AFG3L2: variants seen among roughly 807,000 people sequenced by gnomAD.
AFG3L2 encodes mitochondrial inner membrane m-AAA protease component AFG3L2.
AFG3L2 carries 54 observed loss-of-function variants against 94.5 expected under a neutral mutation model. That is an observed-to-expected ratio of 0.57 (90% confidence interval 0.46 to 0.72). The LOEUF is 0.72. Among genes scored for constraint, AFG3L2 ranks in the 30% least tolerant of loss-of-function variants. The probability of loss-of-function intolerance (pLI) is 0.00; values close to 1 mark genes in which losing one functional copy is unlikely to be tolerated. For missense variants in AFG3L2, 754 were observed against 994.9 expected, an observed-to-expected ratio of 0.76 and a Z score of 3.26; for synonymous variants, 377 against 365.5, an observed-to-expected ratio of 1.03 and a Z score of -0.36.
rs1908731260 is a variant in AFG3L2, at chr18:12,363,846, A to G, written c.563T>C (p.Leu188Ser). Reference sequence around the variant, plus strand: ...AACAAAACGCTTGTTGACGACTTCCAATCTGTCTACCTAGAATTTTAAAAA... The same window carrying G: ...AACAAAACGCTTGTTGACGACTTCCGATCTGTCTACCTAGAATTTTAAAAA... ...NYLSKGVVDR[L>S]EVVNKRFVRV... The change falls in exon 6 of 17, where the codon TTG (leucine) becomes TCG (serine). Residue 188 changes from leucine to serine, a missense_variant. Physicochemically the swap from Leu to Ser is moderately radical, Grantham distance 145. Coordinates refer to ENST00000269143, the MANE Select transcript of AFG3L2 (RefSeq NM_006796.3). 2 of 1,612,474 alleles carry G rather than the reference A, an allele frequency of 1.2e-6. No individual in the cohort carries two copies. Among genetic ancestry groups the G allele is most frequent in the Non-Finnish European group, 1.7e-6 (2 of 1,179,076 alleles).
intron 16 of AFG3L2, among the ~76,000 whole-genome samples, chr18:12,336,895 C>T (rs894099119): frequency 7.2e-5 from 11 of 152,214 alleles, no homozygotes; most frequent in African/African-American, 1.4e-4. Context: ...GAGCAAGCCA[C>T]AAGCAAGGTA....
chr18:12,367,531 T>C, intron 3 of AFG3L2, 149 bp from the exon 4 acceptor site: 1 of 772,390 alleles, frequency 1.3e-6, no homozygotes, highest in Admixed American at 2.0e-5. Context: ...TGAGAAAGAA[T>C]ACAAATACAA....
Position 12,338,511 on chromosome 18 carries a change from C to T in AFG3L2, c.1981-976G>A, listed in dbSNP as rs115833200. 4.1e-3 allele frequency among the ~76,000 whole-genome samples: 623 copies of T among 152,182 alleles called. 6 individuals carry two copies. The highest frequency in any genetic ancestry group is 0.014 in the African/African-American group (564 of 41,504). On this transcript the variant is annotated intron_variant, in intron 15 of 16. Coordinates refer to ENST00000269143, the MANE Select transcript of AFG3L2 (RefSeq NM_006796.3). ...AAGGAGGAGGCTTCTGCAAGTAAGACCCAAACTCACTGGAAAAAAGAGAAG... is the reference window on the plus strand; with the variant it reads ...AAGGAGGAGGCTTCTGCAAGTAAGATCCAAACTCACTGGAAAAAAGAGAAG...
intron 13 of AFG3L2, among the ~76,000 whole-genome samples, chr18:12,344,543 G>A (rs1320792377): frequency 1.3e-5 from 2 of 151,978 alleles, no homozygotes; most frequent in Non-Finnish European, 2.9e-5. Flanking sequence ...GCGTCGTGGT[G>A]AGCGCCTGTA....
intron 16 of AFG3L2, among the ~76,000 whole-genome samples, chr18:12,332,439 T>C (rs1267171117): frequency 6.6e-5 from 10 of 152,164 alleles, no homozygotes; most frequent in East Asian, 3.8e-4. Flanking sequence ...TGAAATTTAA[T>C]CTATTTGTAG....
intron 10 of AFG3L2, among the ~76,000 whole-genome samples, chr18:12,352,317 C>T (rs1598829941): frequency 6.6e-6 from 1 of 152,132 alleles, no homozygotes; most frequent in Admixed American, 6.5e-5. Flanking sequence ...CCTTATTCTG[C>T]CCCTATGCCT....
chr18:12,329,863 ACCCCATTCC>A, intron 16 of AFG3L2, 80 bp from the exon 17 acceptor site: 3 of 1,244,006 alleles, frequency 2.4e-6, no homozygotes, highest in Admixed American at 2.0e-5. Context: ...TTTACAGGTG[ACCCCATTCC>A]AAAAAAGGAT....
At chr18:12,333,786 C>A (rs771671579) in intron 16 of AFG3L2, among the ~76,000 whole-genome samples, 3 of 152,172 alleles carry the variant, frequency 2.0e-5, no homozygotes, top group Non-Finnish European at 4.4e-5. Flanking sequence ...CGATTCACAG[C>A]GGCCACCAAG....
chr18:12,365,041 G>A (rs1038471482), intron 5 of AFG3L2, among the ~76,000 whole-genome samples: 2 of 152,170 alleles, frequency 1.3e-5, no homozygotes, highest in African/African-American at 2.4e-5. Context: ...GAGCATGAGC[G>A]CTCTGGGATG....
At chr18:12,357,826 T>C (rs2143188854) in intron 8 of AFG3L2, among the ~76,000 whole-genome samples, 1 of 152,246 alleles carries the variant, frequency 6.6e-6, no homozygotes, top group East Asian at 1.9e-4. Flanking sequence ...CTCGAACTCC[T>C]GACCTCAGGT....
At chr18:12,358,965 C>A (rs371496227) in intron 7 of AFG3L2, 22 bp from the exon 8 acceptor site, 1 of 1,600,570 alleles carries the variant, frequency 6.2e-7, no homozygotes, top group African/African-American at 1.3e-5. Flanking sequence ...CAGCGCAACA[C>A]GGGTTAGGAC....
intron 3 of AFG3L2, 71 bp from the exon 4 acceptor site, chr18:12,367,453 T>C (rs1908843616): frequency 1.4e-6 from 2 of 1,393,462 alleles, no homozygotes; most frequent in East Asian, 2.3e-5. Flanking sequence ...TCTTCATGTA[T>C]ACGGTTTAAT....
chr18:12,362,958 G>A (rs898418576), intron 6 of AFG3L2, among the ~76,000 whole-genome samples: 3 of 152,158 alleles, frequency 2.0e-5, no homozygotes, highest in African/African-American at 4.8e-5. Flanking sequence ...GATAAAGCAC[G>A]GTTATTAATA....
At position 12,329,462 on chromosome 18, in the gene AFG3L2, G is replaced by A; in HGVS notation, c.*103C>T. The stretch of plus-strand genomic sequence containing the variant: ...ATCATTTCAGCTGGGCCAGTGGCTG[G>A]CTAAAATCAGCGCAGCATTCCCATT... On this transcript the variant is annotated 3_prime_UTR_variant, in exon 17 of 17. Transcript: ENST00000269143. 1 of 1,245,064 alleles carries A rather than the reference G, an allele frequency of 8.0e-7. No individual in the cohort carries two copies. The highest frequency in any genetic ancestry group is 1.2e-6 in the Non-Finnish European group (1 of 847,366). The allele number at this position is 1,245,064 out of a possible 1,614,324, so 77.1% of individuals were successfully genotyped here.
chr18:12,356,013 T>G (rs1908482898), intron 9 of AFG3L2, among the ~76,000 whole-genome samples: 1 of 151,838 alleles, frequency 6.6e-6, no homozygotes, highest in South Asian at 2.1e-4. Flanking sequence ...TAAAACTGAT[T>G]GTGGTGATGG....
At chr18:12,347,085 C>G (rs559896162) in intron 13 of AFG3L2, among the ~76,000 whole-genome samples, 1 of 152,180 alleles carries the variant, frequency 6.6e-6, no homozygotes, top group South Asian at 2.1e-4. Flanking sequence ...CGAGATTGTG[C>G]CACTGCACCC....
intron 10 of AFG3L2, 35 bp downstream of exon 10, chr18:12,352,970 G>A (rs1221143883): frequency 6.2e-7 from 1 of 1,607,700 alleles, no homozygotes; most frequent in Non-Finnish European, 8.5e-7. Context: ...AAAAACAAAA[G>A]TGCAGTTAAA....
intron 14 of AFG3L2, chr18:12,342,486 G>A (rs1907984939): frequency 1.3e-5 from 2 of 152,124 alleles, no homozygotes; most frequent in Admixed American, 6.5e-5. Flanking sequence ...TATTTTTGGA[G>A]GGCGTGGCTT....
In AFG3L2 at chr18:12,340,063, C is replaced by G. The variant is rs139234813; in HGVS notation, c.1980+138G>C. On this transcript the variant is annotated intron_variant, in intron 15 of 16. Coordinates refer to ENST00000269143, the MANE Select transcript of AFG3L2 (RefSeq NM_006796.3). Reference sequence around the variant, plus strand: ...TTCATAAGTTTTAATTGCTTTACTTCTTTTAAGAGATAATCCTTGCCTAAA... The same window carrying G: ...TTCATAAGTTTTAATTGCTTTACTTGTTTTAAGAGATAATCCTTGCCTAAA... The G allele has an allele frequency of 3.5e-4, 289 of 829,446 alleles. 1 individual carries two copies. The highest frequency in any genetic ancestry group is 1.7e-3 in the Middle Eastern group (6 of 3,554). 51.4% of individuals were successfully genotyped at this position (829,446 alleles called of 1,614,324 possible). A position where few individuals can be genotyped will look rare whatever the true frequency, so the allele number is the denominator to read the frequency against.
Sources: gnomAD v4.1 joint callset for allele counts (sites outside exome capture counted in the v4.1 genomes callset) on GRCh38, gnomAD v4.1.1 for gene constraint, MANE v1.5 for transcripts, NCBI Gene and HGNC (gene_info 2026-07-23, HGNC 2026-07-21) for gene names.